The following RBFOX1 variants were observed in gnomAD, a reference collection of about 807,000 sequenced individuals.
The protein encoded by RBFOX1 is RNA binding fox-1 homolog 1.
RBFOX1 carries 8 observed loss-of-function variants against 57.7 expected under a neutral mutation model. The ratio of observed to expected loss-of-function variants is 0.14; its 90% confidence interval spans 0.08 to 0.25. The LOEUF (loss-of-function observed/expected upper bound fraction) is 0.25. Among genes scored for constraint, RBFOX1 ranks in the 10% least tolerant of loss-of-function variants. The probability of loss-of-function intolerance (pLI) is 1.00; values close to 1 mark genes in which losing one functional copy is unlikely to be tolerated. For missense variants in RBFOX1, 611 were observed against 548.5 expected, an observed-to-expected ratio of 1.11 and a Z score of -1.14; for synonymous variants, 326 against 222.4, an observed-to-expected ratio of 1.47 and a Z score of -4.15.
chr16:6,925,452 C>A (rs1372261543), intron 3 of RBFOX1, among the ~76,000 whole-genome samples: 1 of 108,592 alleles, frequency 9.2e-6, no homozygotes, highest in Non-Finnish European at 1.9e-5. Context: ...CTAATGGACT[C>A]CACATTTATT....
chr16:7,449,557 A>T (rs566654280), intron 4 of RBFOX1, among the ~76,000 whole-genome samples: 67 of 152,082 alleles, frequency 4.4e-4, no homozygotes, highest in African/African-American at 1.6e-3. Context: ...TTGTTTGTTT[A>T]CTTGTTTAGG....
chr16:6,881,873 G>A (rs75736617), intron 3 of RBFOX1, among the ~76,000 whole-genome samples: 1 of 152,280 alleles, frequency 6.6e-6, no homozygotes, highest in African/African-American at 2.4e-5. Context: ...AAGAACTGTA[G>A]TAAAAGTTTC....
rs187240861 is a variant in RBFOX1 at position 7,143,340 on chromosome 16, G to A, written c.27+91242G>A. 9.3e-4 allele frequency among the ~76,000 whole-genome samples: 142 copies of A among 152,156 alleles called. 2 individuals are homozygous for A. Among genetic ancestry groups the A allele is most frequent in the South Asian group, 7.9e-3 (38 of 4,820 alleles). On this transcript the variant is annotated intron_variant, in intron 4 of 15. Transcript: ENST00000550418. Reference sequence around the variant, plus strand: ...TTCCCGACCCAGCTCTCAGGGAGAGGACTGAGCCACTGTAGAAAAGTGGGA... The same window carrying A: ...TTCCCGACCCAGCTCTCAGGGAGAGAACTGAGCCACTGTAGAAAAGTGGGA...
At chr16:5,677,829 T>C (rs970235712) in intron 3 of RBFOX1, among the ~76,000 whole-genome samples, 3 of 152,096 alleles carry the variant, frequency 2.0e-5, no homozygotes, top group African/African-American at 7.2e-5. Flanking sequence ...TGGAGGAACG[T>C]GTAAAAGTCT....
chr16:5,634,716 C>T (rs145822944), intron 3 of RBFOX1, among the ~76,000 whole-genome samples: 185 of 152,318 alleles, frequency 1.2e-3, no homozygotes, highest in African/African-American at 4.3e-3. Context: ...AGCCAGGAGT[C>T]AGGGCCCACC....
At chr16:6,888,090 A>G (rs950621897) in intron 3 of RBFOX1, among the ~76,000 whole-genome samples, 4 of 152,126 alleles carry the variant, frequency 2.6e-5, no homozygotes, top group Non-Finnish European at 5.9e-5. Context: ...AAAATTTTTA[A>G]TAAGCCTCAT....
intron 2 of RBFOX1, among the ~76,000 whole-genome samples, chr16:6,429,877 G>C (rs2094028776): frequency 6.6e-6 from 1 of 152,142 alleles, no homozygotes; most frequent in Non-Finnish European, 1.5e-5. Flanking sequence ...GGGAGGCCGA[G>C]GTGGGTGAAT....
At chr16:5,846,288 G>A (rs779859449) in intron 3 of RBFOX1, among the ~76,000 whole-genome samples, 3 of 152,042 alleles carry the variant, frequency 2.0e-5, no homozygotes, top group Non-Finnish European at 2.9e-5. Context: ...AGAAGAGAGT[G>A]GAGAAAAGGA....
At chr16:6,274,981 T>G in intron 1 of RBFOX1, among the ~76,000 whole-genome samples, 1 of 152,122 alleles carries the variant, frequency 6.6e-6, no homozygotes, top group East Asian at 1.9e-4. Context: ...CTGTGAAAAC[T>G]TTTAGCTGAG....
chr16:5,823,300 T>C (rs935126408), intron 3 of RBFOX1, among the ~76,000 whole-genome samples: 2 of 152,226 alleles, frequency 1.3e-5, no homozygotes, highest in East Asian at 3.9e-4. Flanking sequence ...GTTGAGTATG[T>C]GAACAGATAA....
intron 3 of RBFOX1, among the ~76,000 whole-genome samples, chr16:6,867,023 A>AAAAAAACTT (rs1567630081): frequency 1.9e-4 from 29 of 151,590 alleles, no homozygotes; most frequent in South Asian, 6.3e-4. Context: ...CTTTAAAAAA[A>AAAAAAACTT]AAAAAAAAAA....
chr16:7,362,099 G>T (rs896141169), intron 4 of RBFOX1, among the ~76,000 whole-genome samples: 1 of 151,514 alleles, frequency 6.6e-6, no homozygotes, highest in African/African-American at 2.4e-5. Flanking sequence ...GCATATGTGT[G>T]TTAGTGTGTG....
intron 3 of RBFOX1, among the ~76,000 whole-genome samples, chr16:5,625,381 G>A (rs576689782): frequency 2.0e-5 from 3 of 152,142 alleles, no homozygotes; most frequent in Admixed American, 6.5e-5. Context: ...AAGAGACTGG[G>A]GCACAGAGAG....
chr16:6,957,074 G>A (rs1480965565), intron 3 of RBFOX1, among the ~76,000 whole-genome samples: 1 of 138,636 alleles, frequency 7.2e-6, no homozygotes, highest in Non-Finnish European at 1.5e-5. Flanking sequence ...GCTGCTGGTT[G>A]CCCATGTTTT....
intron 1 of RBFOX1, among the ~76,000 whole-genome samples, chr16:6,130,783 A>G (rs1173621414): frequency 6.6e-6 from 1 of 152,172 alleles, no homozygotes; most frequent in Non-Finnish European, 1.5e-5. Flanking sequence ...GAAAAGAGAC[A>G]TTTCAGAATG....
intron 3 of RBFOX1, among the ~76,000 whole-genome samples, chr16:5,795,185 C>G (rs1001176635): frequency 1.3e-5 from 2 of 152,170 alleles, no homozygotes; most frequent in African/African-American, 4.8e-5. Context: ...CCATAAATGT[C>G]AAGAAATGAT....
intron 3 of RBFOX1, among the ~76,000 whole-genome samples, chr16:7,005,323 G>T (rs1471529363): frequency 6.6e-6 from 1 of 152,094 alleles, no homozygotes; most frequent in Non-Finnish European, 1.5e-5. Flanking sequence ...CAATGAGACT[G>T]TGTTCTTGCT....
chr16:5,517,666 C>G (rs527448127), intron 2 of RBFOX1, among the ~76,000 whole-genome samples: 71 of 152,252 alleles, frequency 4.7e-4, no homozygotes, highest in African/African-American at 1.6e-3. Flanking sequence ...GGGCTTTCTA[C>G]AAACTCATTA....
intron 4 of RBFOX1, among the ~76,000 whole-genome samples, chr16:7,239,074 G>A (rs2093925359): frequency 6.6e-6 from 1 of 152,154 alleles, no homozygotes; most frequent in Non-Finnish European, 1.5e-5. Flanking sequence ...CCACATCCTT[G>A]CTATTGTGAA....
Sources: allele counts gnomAD v4.1 joint callset (sites outside exome capture counted in the v4.1 genomes callset), GRCh38; gene constraint gnomAD v4.1.1; transcripts MANE v1.5; gene names NCBI Gene and HGNC (gene_info 2026-07-23, HGNC 2026-07-21).